The following MALRD1 variants were observed in gnomAD, a reference collection of about 807,000 sequenced individuals.
The protein encoded by MALRD1 is MAM and LDL-receptor class A domain-containing protein 1.
In MALRD1, 247 loss-of-function variants were observed where a neutral mutation model predicts 242.1. The ratio of observed to expected loss-of-function variants is 1.02; its 90% confidence interval spans 0.92 to 1.13. MALRD1 has a LOEUF of 1.13. Ranked by LOEUF, MALRD1 falls within the 50% of genes most tolerant of loss-of-function variation. The pLI is 0.00. For missense variants in MALRD1, 2,989 were observed against 2,533.1 expected (o/e 1.18, Z -3.86); for synonymous variants, 995 against 866.6 (o/e 1.15, Z -2.60).
At chr10:19,115,556 A>T (rs17359432) in intron 5 of MALRD1, among the ~76,000 whole-genome samples, 5 of 152,112 alleles carry the variant, frequency 3.3e-5, no homozygotes, top group Non-Finnish European at 7.3e-5. Flanking sequence ...TAATTCTGAG[A>T]TGAGGAAGTT....
At chr10:19,267,663 G>A (rs536023015) in intron 19 of MALRD1, among the ~76,000 whole-genome samples, 6 of 152,126 alleles carry the variant, frequency 3.9e-5, no homozygotes, top group Middle Eastern at 3.4e-3. Context: ...GCTGTTTGGC[G>A]TATTCATTAT....
chr10:19,567,396 T>C, intron 32 of MALRD1, 106 bp from the exon 33 acceptor site: 1 of 931,106 alleles, frequency 1.1e-6, no homozygotes, highest in Non-Finnish European at 1.6e-6. Context: ...AGTCAATGTA[T>C]TGAGCTGTTA....
At chr10:19,561,567 C>T (rs1835963181) in intron 32 of MALRD1, among the ~76,000 whole-genome samples, 1 of 152,128 alleles carries the variant, frequency 6.6e-6, no homozygotes, top group Non-Finnish European at 1.5e-5. Context: ...TTATATAATG[C>T]TATACCAGGC....
intron 19 of MALRD1, among the ~76,000 whole-genome samples, chr10:19,260,895 G>A (rs1435464068): frequency 6.6e-6 from 1 of 152,118 alleles, no homozygotes. Context: ...AACCTGAAAG[G>A]AAGAGGCTAC....
At chr10:19,279,368 T>C (rs937877788) in intron 19 of MALRD1, among the ~76,000 whole-genome samples, 2 of 152,226 alleles carry the variant, frequency 1.3e-5, no homozygotes, top group African/African-American at 4.8e-5. Flanking sequence ...ATTCTTTGTG[T>C]CCATGTTCAA....
chr10:19,709,893 G>T (rs533458208), intron 38 of MALRD1, among the ~76,000 whole-genome samples: 1 of 152,278 alleles, frequency 6.6e-6, no homozygotes, highest in Admixed American at 6.5e-5. Context: ...AATTGTATTT[G>T]CTGAAAAACC....
intron 2 of MALRD1, among the ~76,000 whole-genome samples, chr10:19,079,764 G>A (rs971146337): frequency 4.6e-5 from 7 of 151,958 alleles, no homozygotes; most frequent in Admixed American, 3.9e-4. Context: ...TCTGTCTTCT[G>A]TCCAGGGTAA....
At chr10:19,115,408 C>A (rs1262318530) in intron 5 of MALRD1, among the ~76,000 whole-genome samples, 1 of 151,714 alleles carries the variant, frequency 6.6e-6, no homozygotes, top group Non-Finnish European at 1.5e-5. Flanking sequence ...CACATATGTA[C>A]CCCGAAGTTA....
chr10:19,530,415 AATAATAAATATATAATATAT>A (rs1400376685), intron 31 of MALRD1, among the ~76,000 whole-genome samples: 12 of 19,342 alleles, frequency 6.2e-4, no homozygotes, highest in African/African-American at 1.5e-3. Context: ...ATATTTATAT[AATAATAAATATATAATATAT>A]ATAATATATA....
chr10:19,534,242 A>G (rs904949925), intron 32 of MALRD1, among the ~76,000 whole-genome samples: 7 of 152,228 alleles, frequency 4.6e-5, no homozygotes, highest in African/African-American at 1.7e-4. Context: ...CTGATGGATC[A>G]TAGCAGCTGG....
intron 29 of MALRD1, among the ~76,000 whole-genome samples, chr10:19,458,352 C>T (rs1328580592): frequency 1.3e-5 from 2 of 152,130 alleles, no homozygotes; most frequent in Non-Finnish European, 2.9e-5. Flanking sequence ...TCTCTTCCAA[C>T]TTACTTATCA....
chr10:19,236,428 C>A lies in MALRD1; in HGVS notation c.2992-21256C>A, dbSNP rs561896078. 1.5e-3 allele frequency among the ~76,000 whole-genome samples: 232 copies of A among 152,254 alleles called. 1 individual carries two copies. The highest frequency in any genetic ancestry group is 2.8e-4 in the Non-Finnish European group (19 of 68,012). The stretch of plus-strand genomic sequence containing the variant: ...GACCACTCAAAAATAAAGCCCTTTC[C>A]TCCTCCCAGATTGAGGAGTCTTGCA... On this transcript the variant is annotated intron_variant, in intron 18 of 39. Transcript: ENST00000454679.
intron 35 of MALRD1, among the ~76,000 whole-genome samples, chr10:19,612,290 C>T (rs1386574076): frequency 6.6e-6 from 1 of 151,872 alleles, no homozygotes; most frequent in East Asian, 1.9e-4. Flanking sequence ...TTCAGAGGAG[C>T]ATGCCCCCCA....
intron 5 of MALRD1, among the ~76,000 whole-genome samples, chr10:19,116,327 C>T (rs997305548): frequency 3.3e-5 from 5 of 152,176 alleles, no homozygotes; most frequent in Non-Finnish European, 7.4e-5. Flanking sequence ...GCCTAAGTCT[C>T]ATTTGTAAAG....
intron 38 of MALRD1, among the ~76,000 whole-genome samples, chr10:19,719,171 CAT>C (rs1230730939): frequency 0.012 from 829 of 69,596 alleles, 34 homozygotes; most frequent in African/African-American, 0.058. Flanking sequence ...TATATATATA[CAT>C]ACATATATAT....
intron 34 of MALRD1, among the ~76,000 whole-genome samples, chr10:19,600,306 G>A (rs923792654): frequency 2.0e-5 from 3 of 152,040 alleles, no homozygotes; most frequent in Admixed American, 1.3e-4. Context: ...CAGTTTCTTT[G>A]ACATTAAAAA....
chr10:19,236,922 C>G (rs1838345594), intron 18 of MALRD1, among the ~76,000 whole-genome samples: 1 of 151,954 alleles, frequency 6.6e-6, no homozygotes, highest in South Asian at 2.1e-4. Flanking sequence ...AAGGCTGAGT[C>G]AAGAACAAAG....
intron 5 of MALRD1, among the ~76,000 whole-genome samples, chr10:19,111,118 A>C (rs937322257): frequency 6.6e-6 from 1 of 150,586 alleles, no homozygotes; most frequent in Non-Finnish European, 1.5e-5. Context: ...TGAACTATAT[A>C]CTGGGACAAA....
At chr10:19,626,798 G>A (rs1056609222) in intron 36 of MALRD1, among the ~76,000 whole-genome samples, 2 of 151,754 alleles carry the variant, frequency 1.3e-5, no homozygotes, top group African/African-American at 2.4e-5. Flanking sequence ...ATGACCATTA[G>A]CCAATTAATT....
Sources: gnomAD v4.1 joint callset for allele counts (sites outside exome capture counted in the v4.1 genomes callset) on GRCh38, gnomAD v4.1.1 for gene constraint, MANE v1.5 for transcripts, NCBI Gene and HGNC (gene_info 2026-07-23, HGNC 2026-07-21) for gene names.